PCDH7: variants seen among roughly 807,000 people sequenced by gnomAD.
The protein encoded by PCDH7 is protocadherin 7.
A neutral mutation model predicts 58.9 loss-of-function variants in PCDH7; 17 were observed. The ratio of observed to expected loss-of-function variants is 0.29; its 90% CI spans 0.20 to 0.43. The LOEUF is 0.43. Among genes scored for constraint, PCDH7 ranks in the 20% least tolerant of loss-of-function variants. The probability of loss-of-function intolerance (pLI) is 1.00; values close to 1 mark genes in which losing one functional copy is unlikely to be tolerated. For synonymous variants in PCDH7, 664 were observed against 616.4 expected, an observed-to-expected ratio of 1.08 and a Z score of -1.14; for missense variants, 1,274 against 1,441.0, an observed-to-expected ratio of 0.88 and a Z score of 1.88.
intron 3 of PCDH7, among the ~76,000 whole-genome samples, chr4:31,085,252 T>A (rs1560211022): frequency 6.6e-6 from 1 of 151,964 alleles, no homozygotes; most frequent in Non-Finnish European, 1.5e-5. Flanking sequence ...ATGGCCAGTT[T>A]ATTGATTTGG....
chr4:30,734,043 C>A (rs1411840451), downstream of PCDH7, among the ~76,000 whole-genome samples: 3 of 149,268 alleles, frequency 2.0e-5, no homozygotes, highest in Admixed American at 2.1e-4. Context: ...CACTTTATAA[C>A]CCTAACTTTA....
At chr4:31,146,510 C>G (rs894720946), downstream of PCDH7, 1 of 151,988 alleles carries the variant, frequency 6.6e-6, no homozygotes, top group Non-Finnish European at 1.5e-5. Context: ...CAGACTTTTC[C>G]TACAGTTTAA....
At chr4:31,005,471 G>A (rs1035185084) in intron 3 of PCDH7, among the ~76,000 whole-genome samples, 1 of 152,082 alleles carries the variant, frequency 6.6e-6, no homozygotes, top group Non-Finnish European at 1.5e-5. Flanking sequence ...AGCTGGAAAG[G>A]GAGAAACCAG....
chr4:30,854,261 A>C (rs534455748), intron 1 of PCDH7, among the ~76,000 whole-genome samples: 1 of 149,144 alleles, frequency 6.7e-6, no homozygotes, highest in South Asian at 2.2e-4. Flanking sequence ...TTTCTTGTGC[A>C]TTGTGGGACG....
rs1713373615 is a variant in PCDH7, at chr4:30,720,782, G to A, written c.-641G>A. On this transcript the variant is annotated 5_prime_UTR_variant, in exon 1 of 2. Coordinates refer to ENST00000361762, the Ensembl canonical transcript of PCDH7. The surrounding 1 kb of genome is among the most constrained non-coding windows in gnomAD (Gnocchi z 4.7). ...CTGGCTCCCCCGCTGCATGAGCAGAGTCGGAGTTGAGACTGGCTTGTTGCT... is the reference window on the plus strand; with the variant it reads ...CTGGCTCCCCCGCTGCATGAGCAGAATCGGAGTTGAGACTGGCTTGTTGCT... 1 of 152,980 alleles carries A rather than the reference G, an allele frequency of 6.5e-6. No individual in the cohort carries two copies. Among genetic ancestry groups the A allele is most frequent in the African/African-American group, 2.4e-5 (1 of 41,470 alleles). 9.5% of individuals were successfully genotyped at this position (152,980 alleles called of 1,614,324 possible).
chr4:31,094,687 G>T (rs767486490), intron 3 of PCDH7, among the ~76,000 whole-genome samples: 8 of 151,906 alleles, frequency 5.3e-5, no homozygotes, highest in Non-Finnish European at 1.2e-4. Flanking sequence ...CCTGCCCTTC[G>T]TCCAGATACC....
chr4:30,752,212 C>A (rs1263960601), intron 1 of PCDH7, among the ~76,000 whole-genome samples: 2 of 152,068 alleles, frequency 1.3e-5, no homozygotes, highest in South Asian at 2.1e-4. Context: ...CGGCTCACTG[C>A]AACTTCCGCC....
chr4:31,128,462 C>G (rs571731793), intron 3 of PCDH7, among the ~76,000 whole-genome samples: 2 of 152,254 alleles, frequency 1.3e-5, no homozygotes, highest in African/African-American at 2.4e-5. Flanking sequence ...TGCTATTCAT[C>G]TCTTCTATCA....
At chr4:31,046,487 C>G (rs1056276508) in intron 3 of PCDH7, among the ~76,000 whole-genome samples, 17 of 151,964 alleles carry the variant, frequency 1.1e-4, no homozygotes, top group Non-Finnish European at 2.9e-5. Flanking sequence ...TGCCATGACT[C>G]AAATAATCAG....
chr4:30,872,404 C>A (rs1306821690), intron 1 of PCDH7, among the ~76,000 whole-genome samples: 2 of 152,048 alleles, frequency 1.3e-5, no homozygotes, highest in African/African-American at 4.8e-5. Context: ...AATGAGTGAG[C>A]ATGGCTCTGT....
At chr4:30,770,763 T>A (rs1721300529) in intron 1 of PCDH7, among the ~76,000 whole-genome samples, 1 of 152,154 alleles carries the variant, frequency 6.6e-6, no homozygotes, top group South Asian at 2.1e-4. Flanking sequence ...ATTAAATAAT[T>A]TTCACCGTGT....
intron 3 of PCDH7, among the ~76,000 whole-genome samples, chr4:31,073,296 A>G (rs962560445): frequency 1.3e-5 from 2 of 152,200 alleles, no homozygotes; most frequent in Non-Finnish European, 1.5e-5. Flanking sequence ...TATAGCACAC[A>G]TAAATAAACA....
chr4:31,040,144 C>T (rs6821606), intron 3 of PCDH7, among the ~76,000 whole-genome samples: 10,451 of 152,220 alleles, frequency 0.069, 487 homozygotes, highest in Middle Eastern at 0.12. Flanking sequence ...TCGATGTATA[C>T]TGCAGTGTGT....
At chr4:30,942,485 T>C (rs564951106) in intron 2 of PCDH7, among the ~76,000 whole-genome samples, 36 of 152,116 alleles carry the variant, frequency 2.4e-4, no homozygotes, top group African/African-American at 8.7e-4. Context: ...TGGAAAATCT[T>C]TATTTTGTAG....
Position 30,828,479 on chromosome 4 carries a change from C to G in PCDH7, c.71-91674C>G, listed in dbSNP as rs183247654. On this transcript the variant is annotated intron_variant, in intron 1 of 3. Transcript: ENST00000509759. The stretch of plus-strand genomic sequence containing the variant: ...TGGCTTAAAACAATGTCAGTTACCT[C>G]ATTAATAGTCTTCTCTTCAGTTAAG... Among the ~76,000 whole-genome samples the G allele has an allele frequency of 1.9e-3, 292 of 151,876 alleles. 2 individuals are homozygous for G. The highest frequency in any genetic ancestry group is 6.4e-3 in the African/African-American group (266 of 41,428).
At chr4:31,021,736 T>TC (rs998872412) in intron 3 of PCDH7, among the ~76,000 whole-genome samples, 4 of 152,118 alleles carry the variant, frequency 2.6e-5, no homozygotes, top group African/African-American at 9.6e-5. Context: ...CTTCTTCAGG[T>TC]CCAGAGACAC....
At chr4:30,783,530 T>C (rs759088492) in intron 1 of PCDH7, among the ~76,000 whole-genome samples, 26 of 152,218 alleles carry the variant, frequency 1.7e-4, no homozygotes, top group Non-Finnish European at 8.8e-5. Context: ...TGATTTAGTA[T>C]TGAAGCATAC....
At chr4:31,103,067 T>G (rs1267884246) in intron 3 of PCDH7, among the ~76,000 whole-genome samples, 1 of 152,214 alleles carries the variant, frequency 6.6e-6, no homozygotes, top group Non-Finnish European at 1.5e-5. Context: ...AATATAATAT[T>G]TGTTATAACC....
intron 1 of PCDH7, among the ~76,000 whole-genome samples, chr4:30,867,990 G>A (rs1428829737): frequency 1.3e-5 from 2 of 151,932 alleles, no homozygotes; most frequent in African/African-American, 4.8e-5. Context: ...CCCTAAAAGA[G>A]GCTCAAATTT....
Sources: allele counts gnomAD v4.1 joint callset (sites outside exome capture counted in the v4.1 genomes callset), GRCh38; gene constraint gnomAD v4.1.1; non-coding constraint Gnocchi (gnomAD v3.1); transcripts MANE v1.5; gene names NCBI Gene and HGNC (gene_info 2026-07-23, HGNC 2026-07-21).